CDC34: variants seen among roughly 807,000 people sequenced by gnomAD.
CDC34 encodes cell division cycle 34, ubiquitin conjugating enzyme.
CDC34 carries 18 observed loss-of-function variants against 26.8 expected under a neutral mutation model. That is an observed-to-expected ratio of 0.67 (90% CI 0.47 to 1.00). The LOEUF (loss-of-function observed/expected upper bound fraction) is 1.00, where lower values mean the gene tolerates loss of function less well. Among genes scored for constraint, CDC34 ranks in the 50% least tolerant of loss-of-function variants. The pLI is 0.00. For missense variants in CDC34, 280 were observed against 334.5 expected (o/e 0.84, Z 1.27); for synonymous variants, 178 against 147.5 (o/e 1.21, Z -1.50).
At chr19:533,413 C>A (rs1979588178) in intron 1 of CDC34, among the ~76,000 whole-genome samples, 1 of 152,248 alleles carries the variant, frequency 6.6e-6, no homozygotes, top group South Asian at 2.1e-4. Flanking sequence ...GTGAGGGCAG[C>A]AGCCTGGTCT....
rs1555720879 is a variant in CDC34 at position 540,804 on chromosome 19, C to CG, written c.498-533dup. On this transcript the variant is annotated intron_variant, in intron 4 of 4. Transcript: ENST00000215574. ...CAGAGGCTGGGATGGCCAGGCCCCC[C>CG]GGTTTAGAATCCGGAGGCCGGGGTG... is the stretch of plus-strand genomic sequence containing the variant. Among the ~76,000 whole-genome samples the CG allele has an allele frequency of 1.9e-4, 2 of 10,730 alleles. 1 individual carries two copies. Among genetic ancestry groups the CG allele is most frequent in the Non-Finnish European group, 4.6e-4 (2 of 4,362 alleles). The allele number at this position is 10,730 out of a possible 152,430, so 7.0% of individuals were successfully genotyped here. A position where few individuals can be genotyped will look rare whatever the true frequency, so the allele number is the denominator to read the frequency against.
At position 534,365 on chromosome 19, in the gene CDC34, A is replaced by T. The variant is rs549609062; in HGVS notation, c.178-1472A>T. Among the ~76,000 whole-genome samples the T allele has an allele frequency of 4.4e-3, 589 of 134,094 alleles. 2 individuals are homozygous for T. Among genetic ancestry groups the T allele is most frequent in the African/African-American group, 0.015 (543 of 35,240 alleles). The allele number at this position is 134,094 out of a possible 152,430, so 88.0% of individuals were successfully genotyped here. The stretch of plus-strand genomic sequence containing the variant: ...GGCCCGTCCACGATCCAAGACCCCC[A>T]AAGTGCCCTGCCTGTCCGGGAGGGG... On this transcript the variant is annotated intron_variant, in intron 1 of 4. Transcript: ENST00000215574.
intron 4 of CDC34, chr19:538,573 C>T (rs906169645): frequency 3.3e-5 from 12 of 362,000 alleles, no homozygotes; most frequent in Non-Finnish European, 3.5e-5. Context: ...CATAGATTTC[C>T]TCACAGAGGC....
chr19:539,090 T>C (rs1269799503), intron 4 of CDC34: 8 of 879,090 alleles, frequency 9.1e-6, no homozygotes, highest in Non-Finnish European at 1.1e-5. Context: ...GGTCGCCGTT[T>C]CTGCCTGTTT....
chr19:536,533 C>A, intron 3 of CDC34, 193 bp downstream of exon 3: 1 of 597,240 alleles, frequency 1.7e-6, no homozygotes, highest in Non-Finnish European at 3.0e-6. Context: ...GGGCCTGCGG[C>A]ACCGTGTGTC....
In CDC34 at chr19:537,171, G is replaced by A. The variant is rs16990571; in HGVS notation, c.497+24G>A. 9.0e-4 allele frequency: 1,442 copies of A among 1,610,874 alleles called. 8 individuals carry two copies. The African/African-American group carries it at 0.015, about 17-fold the overall frequency. ...CGGTGAGGGCGGGCGGGGGCGTCAC[G>A]GGAGGAGAGACTCAGATCCGGCCTG... is the stretch of plus-strand genomic sequence containing the variant. On this transcript the variant is annotated intron_variant, in intron 4 of 4. Transcript: ENST00000215574.
At chr19:535,414 G>T (rs1321305714) in intron 1 of CDC34, among the ~76,000 whole-genome samples, 1 of 152,250 alleles carries the variant, frequency 6.6e-6, no homozygotes, top group Non-Finnish European at 1.5e-5. Context: ...GGCCCTGGAG[G>T]TGCAGCCCTG....
intron 1 of CDC34, 115 bp from the exon 2 acceptor site, chr19:535,722 C>G (rs556738390): frequency 4.9e-6 from 4 of 822,746 alleles, no homozygotes; most frequent in Non-Finnish European, 8.4e-6. Context: ...TACGGTGTCC[C>G]TCACACACAC....
chr19:541,285 C>T (rs1377502248), intron 4 of CDC34, 54 bp from the exon 5 acceptor site: 4 of 1,471,288 alleles, frequency 2.7e-6, no homozygotes, highest in Admixed American at 2.4e-5. Context: ...GGGGGCCGGG[C>T]AGGGGCCGAG....
chr19:539,913 A>G (rs1361090954), intron 4 of CDC34, among the ~76,000 whole-genome samples: 1 of 152,178 alleles, frequency 6.6e-6, no homozygotes, highest in Non-Finnish European at 1.5e-5. Flanking sequence ...GGTGCCCTCC[A>G]GGAAGTTTGA....
In CDC34 at chr19:541,683, C is replaced by T. The variant is rs1980025971; in HGVS notation, c.*131C>T. 9.3e-7 allele frequency: 1 copy of T among 1,079,262 alleles called. No individual in the cohort carries two copies. Among genetic ancestry groups the T allele is most frequent in the South Asian group, 1.8e-5 (1 of 56,522 alleles). 66.9% of individuals were successfully genotyped at this position (1,079,262 alleles called of 1,614,324 possible). On this transcript the variant is annotated 3_prime_UTR_variant, in exon 5 of 5. Coordinates refer to ENST00000215574, the MANE Select transcript of CDC34 (RefSeq NM_004359.2). ...TGGTTGTTTCGTTTTGGCTTTTTCT[C>T]CCTCCCCATGTCTGTTCTGGGTTTT...
At chr19:534,923 C>T (rs965792754) in intron 1 of CDC34, among the ~76,000 whole-genome samples, 1 of 152,224 alleles carries the variant, frequency 6.6e-6, no homozygotes, top group African/African-American at 2.4e-5. Flanking sequence ...CCTGTCCAGG[C>T]TTCCACCACG....
At chr19:536,427 G>A (rs992560499) in intron 3 of CDC34, 87 bp downstream of exon 3, 84 of 1,076,368 alleles carry the variant, frequency 7.8e-5, no homozygotes, top group Non-Finnish European at 9.9e-5. Flanking sequence ...CAGGTAGGCC[G>A]GGCTCCCCCA....
At chr19:535,131 G>A (rs16990542) in intron 1 of CDC34, among the ~76,000 whole-genome samples, 244 of 152,348 alleles carry the variant, frequency 1.6e-3, no homozygotes, top group Middle Eastern at 0.014. Context: ...CACCTGGCAC[G>A]TGGCTTCAGG....
At chr19:533,546 C>T (rs1244597923) in intron 1 of CDC34, among the ~76,000 whole-genome samples, 7 of 152,188 alleles carry the variant, frequency 4.6e-5, no homozygotes, top group African/African-American at 1.2e-4. Context: ...GCAGCTCCTC[C>T]GCCAGCCCCT....
At chr19:540,766 CGGG>C (rs1979971596) in intron 4 of CDC34, among the ~76,000 whole-genome samples, 1 of 98,516 alleles carries the variant, frequency 1.0e-5, no homozygotes, top group Non-Finnish European at 2.3e-5. Flanking sequence ...GCCAGGCCCC[CGGG>C]TTTAGAATCC....
At chr19:539,056 CAT>C (rs1022947098) in intron 4 of CDC34, 3 of 956,776 alleles carry the variant, frequency 3.1e-6, no homozygotes, top group Non-Finnish European at 3.7e-6. Flanking sequence ...GGCCAACACA[CAT>C]GTGCCATGTG....
chr19:541,679 T>C lies in CDC34; in HGVS notation c.*127T>C. The C allele has an allele frequency of 9.0e-7, 1 of 1,115,768 alleles. No homozygotes were observed. The highest frequency in any genetic ancestry group is 1.2e-6 in the Non-Finnish European group (1 of 810,402). The allele number at this position is 1,115,768 out of a possible 1,614,324, so 69.1% of individuals were successfully genotyped here. A position where few individuals can be genotyped will look rare whatever the true frequency, so the allele number is the denominator to read the frequency against. On this transcript the variant is annotated 3_prime_UTR_variant, in exon 5 of 5. Coordinates refer to ENST00000215574, the MANE Select transcript of CDC34 (RefSeq NM_004359.2). ...CCTCTGGTTGTTTCGTTTTGGCTTT[T>C]TCTCCCTCCCCATGTCTGTTCTGGG...
At chr19:538,732 G>A (rs772655582) in intron 4 of CDC34, 10 of 985,268 alleles carry the variant, frequency 1.0e-5, no homozygotes, top group African/African-American at 8.7e-5. Flanking sequence ...ACCTGGTGTC[G>A]TGGGGTCATC....
Sources: allele counts gnomAD v4.1 joint callset (sites outside exome capture counted in the v4.1 genomes callset), GRCh38; gene constraint gnomAD v4.1.1; transcripts MANE v1.5; gene names NCBI Gene and HGNC (gene_info 2026-07-23, HGNC 2026-07-21).